Variants in MACROD2 observed in about 807,000 individuals in gnomAD.
The protein encoded by MACROD2 is ADP-ribose glycohydrolase MACROD2.
A neutral mutation model predicts 70.4 loss-of-function variants in MACROD2; 36 were observed. The ratio of observed to expected loss-of-function variants is 0.51; its 90% CI spans 0.39 to 0.68. The LOEUF is 0.68. MACROD2 is among the 30% of genes least tolerant of loss of function. The pLI is 0.00. For missense variants in MACROD2, 496 were observed against 538.4 expected, an observed-to-expected ratio of 0.92 and a Z score of 0.78; for synonymous variants, 172 against 178.8, an observed-to-expected ratio of 0.96 and a Z score of 0.30.
chr20:14,866,824 A>G (rs148224004), intron 5 of MACROD2, among the ~76,000 whole-genome samples: 36 of 152,242 alleles, frequency 2.4e-4, no homozygotes, highest in Non-Finnish European at 4.1e-4. Flanking sequence ...AATTTTGTAC[A>G]TAGAATGTAA....
intron 5 of MACROD2, among the ~76,000 whole-genome samples, chr20:14,762,373 C>G (rs2072027281): frequency 6.6e-6 from 1 of 152,058 alleles, no homozygotes; most frequent in Admixed American, 6.5e-5. Context: ...TTTCTCAGCT[C>G]CTTTGAAATA....
intron 5 of MACROD2, among the ~76,000 whole-genome samples, chr20:14,716,340 C>T (rs1600578994): frequency 6.6e-6 from 1 of 152,082 alleles, no homozygotes; most frequent in East Asian, 1.9e-4. Flanking sequence ...AAATCAAAGC[C>T]CTTGCTTCCT....
intron 5 of MACROD2, among the ~76,000 whole-genome samples, chr20:14,885,423 C>T (rs1013485995): frequency 1.3e-5 from 2 of 152,156 alleles, no homozygotes; most frequent in Non-Finnish European, 2.9e-5. Context: ...TGAGTGCCAT[C>T]ACCTCTACTC....
At chr20:14,619,766 G>C (rs971426561) in intron 4 of MACROD2, among the ~76,000 whole-genome samples, 1 of 152,046 alleles carries the variant, frequency 6.6e-6, no homozygotes, top group Non-Finnish European at 1.5e-5. Context: ...GGCCAGCTTA[G>C]TCTGCAATAA....
At chr20:15,852,400 T>C (rs1391140539) in intron 8 of MACROD2, among the ~76,000 whole-genome samples, 1 of 152,204 alleles carries the variant, frequency 6.6e-6, no homozygotes, top group African/African-American at 2.4e-5. Flanking sequence ...TTTATGCCCA[T>C]AGAAGCAATT....
Position 14,565,137 on chromosome 20 carries a change from A to G in MACROD2, c.301+71629A>G, listed in dbSNP as rs1353194070. Among the ~76,000 whole-genome samples, 7 of 152,034 alleles carry G rather than the reference A, an allele frequency of 4.6e-5. No homozygotes were observed. The South Asian group carries it at 8.3e-4, about 18-fold the overall frequency. Reference sequence around the variant, plus strand: ...TACAGGTGAGAGCTAAACAATGGACATACATGGACATGCAGAGTGGAATAA... The same window carrying G: ...TACAGGTGAGAGCTAAACAATGGACGTACATGGACATGCAGAGTGGAATAA... On this transcript the variant is annotated intron_variant, in intron 4 of 17. Transcript: ENST00000684519.
chr20:14,050,864 T>C (rs6110149), intron 2 of MACROD2, among the ~76,000 whole-genome samples: 26,608 of 151,900 alleles, frequency 0.18, 2,551 homozygotes, highest in South Asian at 0.23. Flanking sequence ...AAGCTAAAGA[T>C]AAAAAGATGG....
At chr20:15,379,349 G>T (rs1257344513) in intron 6 of MACROD2, among the ~76,000 whole-genome samples, 6 of 151,894 alleles carry the variant, frequency 4.0e-5, no homozygotes, top group Admixed American at 3.3e-4. Flanking sequence ...ATCATTTTTG[G>T]TCTACAAAAA....
intron 5 of MACROD2, among the ~76,000 whole-genome samples, chr20:14,856,883 A>T (rs929564049): frequency 1.3e-5 from 2 of 152,144 alleles, no homozygotes; most frequent in African/African-American, 4.8e-5. Flanking sequence ...TCAAATATAC[A>T]GTCCTTTCAC....
At chr20:14,847,343 A>G (rs1302317345) in intron 5 of MACROD2, among the ~76,000 whole-genome samples, 1 of 152,114 alleles carries the variant, frequency 6.6e-6, no homozygotes, top group Non-Finnish European at 1.5e-5. Context: ...AGTTTGCTGG[A>G]GAATTTGTTA....
At chr20:15,705,157 T>C (rs2050514584) in intron 8 of MACROD2, among the ~76,000 whole-genome samples, 1 of 152,258 alleles carries the variant, frequency 6.6e-6, no homozygotes, top group African/African-American at 2.4e-5. Flanking sequence ...TTATGATATA[T>C]AATACAATTC....
chr20:14,822,039 CA>C (rs2072851481), intron 5 of MACROD2, among the ~76,000 whole-genome samples: 1 of 152,028 alleles, frequency 6.6e-6, no homozygotes, highest in Non-Finnish European at 1.5e-5. Context: ...TTTGACATCT[CA>C]TAGTTTTGAA....
chr20:15,927,271 A>C (rs565974258), intron 10 of MACROD2, among the ~76,000 whole-genome samples: 1 of 152,170 alleles, frequency 6.6e-6, no homozygotes, highest in Non-Finnish European at 1.5e-5. Context: ...ACATGTGTTT[A>C]TGGAGCCCTT....
At chr20:14,793,758 G>C (rs890907820) in intron 5 of MACROD2, among the ~76,000 whole-genome samples, 2 of 152,042 alleles carry the variant, frequency 1.3e-5, no homozygotes, top group African/African-American at 4.8e-5. Context: ...GGCTGCAGGA[G>C]GGTCCCAGTA....
chr20:15,710,194 C>CAAAAA (rs67656339), intron 8 of MACROD2, among the ~76,000 whole-genome samples: 18 of 102,646 alleles, frequency 1.8e-4, no homozygotes, highest in East Asian at 6.1e-4. Context: ...ATCAAAAAGA[C>CAAAAA]AAAAAAAAAA....
At chr20:15,234,808 A>G (rs2076999471) in intron 6 of MACROD2, among the ~76,000 whole-genome samples, 1 of 152,220 alleles carries the variant, frequency 6.6e-6, no homozygotes, top group Admixed American at 6.5e-5. Context: ...GGGCTGGAAA[A>G]TGAAAATGCC....
chr20:15,155,199 G>A lies in MACROD2; in HGVS notation c.419-74741G>A, dbSNP rs557536336. On this transcript the variant is annotated intron_variant, in intron 5 of 17. Coordinates refer to ENST00000684519, the MANE Select transcript of MACROD2 (RefSeq NM_001351661.2). Reference sequence around the variant, plus strand: ...TCATGGTAGATAATCAATAGATGTTGCCTAATGAGTATAATTTGTCAGATG... The same window carrying A: ...TCATGGTAGATAATCAATAGATGTTACCTAATGAGTATAATTTGTCAGATG... Among the ~76,000 whole-genome samples the A allele has an allele frequency of 5.3e-5, 8 of 152,202 alleles. No homozygotes were observed. In the East Asian group the frequency reaches 1.6e-3, roughly 29 times the overall value.
At chr20:15,823,968 G>A (rs2147106772) in intron 8 of MACROD2, among the ~76,000 whole-genome samples, 1 of 152,320 alleles carries the variant, frequency 6.6e-6, no homozygotes. Flanking sequence ...CAGTCATTAA[G>A]ACAACTGGAG....
intron 5 of MACROD2, among the ~76,000 whole-genome samples, chr20:15,017,993 G>A (rs988131910): frequency 6.6e-6 from 1 of 152,184 alleles, no homozygotes; most frequent in Non-Finnish European, 1.5e-5. Flanking sequence ...TTTCCTCGTG[G>A]TCTTGGGAAA....
Sources: allele counts gnomAD v4.1 joint callset (sites outside exome capture counted in the v4.1 genomes callset), GRCh38; gene constraint gnomAD v4.1.1; transcripts MANE v1.5; gene names NCBI Gene and HGNC (gene_info 2026-07-23, HGNC 2026-07-21).